Variants in CDH23 observed in about 807,000 individuals in gnomAD.
CDH23 encodes the protein cadherin-23.
CDH23 carries 189 observed loss-of-function variants against 317.1 expected under a neutral mutation model. The ratio of observed to expected loss-of-function variants is 0.60; its 90% CI spans 0.53 to 0.67. CDH23 has a LOEUF of 0.67. CDH23 is among the 30% of genes least tolerant of loss of function. CDH23 has a pLI of 0.00. For missense variants in CDH23, 4,401 were observed against 4,592.4 expected (o/e 0.96, Z 1.20); for synonymous variants, 1,839 against 1,876.8 (o/e 0.98, Z 0.52).
At chr10:71,523,600 A>G (rs1055248065) in intron 6 of CDH23, among the ~76,000 whole-genome samples, 4 of 152,100 alleles carry the variant, frequency 2.6e-5, no homozygotes, top group African/African-American at 9.7e-5. Flanking sequence ...AGCCGGGGGG[A>G]AATAAATAAA....
intron 49 of CDH23, 132 bp downstream of exon 49, chr10:71,797,352 A>G: frequency 1.6e-6 from 1 of 641,252 alleles, no homozygotes; most frequent in Non-Finnish European, 2.8e-6. Flanking sequence ...GCCAGGAGTC[A>G]GGCAACACAA....
At chr10:71,730,316 C>T (rs1839328289) in intron 30 of CDH23, among the ~76,000 whole-genome samples, 153 bp from the exon 31 acceptor site, 1 of 152,226 alleles carries the variant, frequency 6.6e-6, no homozygotes, top group South Asian at 2.1e-4. Flanking sequence ...GTGGTGGTCA[C>T]AGTGACCCAC....
At chr10:71,579,307 C>A (rs1858462226) in intron 9 of CDH23, among the ~76,000 whole-genome samples, 1 of 152,106 alleles carries the variant, frequency 6.6e-6, no homozygotes, top group Non-Finnish European at 1.5e-5. Flanking sequence ...GCCCAGGGAA[C>A]CCCAGGACCC....
intron 22 of CDH23, among the ~76,000 whole-genome samples, chr10:71,699,299 T>C (rs1312687359): frequency 2.6e-5 from 4 of 152,184 alleles, no homozygotes; most frequent in African/African-American, 9.7e-5. Flanking sequence ...TTGTCGGAGG[T>C]AGACTAGGGC....
chr10:71,702,666 G>C lies in CDH23; in HGVS notation c.2705G>C (p.Gly902Ala). 1 of 1,613,854 alleles carries C rather than the reference G, an allele frequency of 6.2e-7. No homozygotes were observed. The highest frequency in any genetic ancestry group is 1.1e-5 in the South Asian group (1 of 91,078). Residue 902 changes from glycine to alanine, a missense_variant, in exon 24 of 70, where the codon GGC becomes GCC. Physicochemically the swap from Gly to Ala is moderately conservative, Grantham distance 60. Transcript: ENST00000224721. ...CCTTTTGTGGCCGAGGTGCTTGAAG[G>C]CATCCCGGCGGGGGTCTCCATCTAC... ...NLPFVAEVLE[G>A]IPAGVSIYQV...
chr10:71,516,496 G>A (rs1854340002), intron 6 of CDH23, among the ~76,000 whole-genome samples: 1 of 152,240 alleles, frequency 6.6e-6, no homozygotes, highest in South Asian at 2.1e-4. Context: ...ACTAGAGATG[G>A]GAAAGCAGAG....
chr10:71,636,033 G>A (rs886391557), intron 11 of CDH23, among the ~76,000 whole-genome samples: 3 of 152,070 alleles, frequency 2.0e-5, no homozygotes, highest in East Asian at 3.9e-4. Flanking sequence ...CCCTCCTTGC[G>A]GGTTAGTATT....
At chr10:71,606,075 G>T (rs970333991) in intron 9 of CDH23, among the ~76,000 whole-genome samples, 1 of 152,090 alleles carries the variant, frequency 6.6e-6, no homozygotes, top group Non-Finnish European at 1.5e-5. Flanking sequence ...TAGCAAACTG[G>T]CATGATAGAT....
At chr10:71,432,107 G>C (rs1350485600) in intron 1 of CDH23, among the ~76,000 whole-genome samples, 1 of 152,186 alleles carries the variant, frequency 6.6e-6, no homozygotes, top group Non-Finnish European at 1.5e-5. Flanking sequence ...AAAGGAGTGG[G>C]AACAGGAAGG....
chr10:71,797,343 C>T, intron 49 of CDH23, 123 bp downstream of exon 49: 2 of 670,200 alleles, frequency 3.0e-6, no homozygotes, highest in Non-Finnish European at 2.6e-6. Context: ...GCTCTGGGGG[C>T]CAGGAGTCAG....
At chr10:71,669,955 C>T (rs1156787209) in intron 14 of CDH23, among the ~76,000 whole-genome samples, 9 of 152,238 alleles carry the variant, frequency 5.9e-5, no homozygotes, top group African/African-American at 9.6e-5. Context: ...GAGCCAAGAT[C>T]GCGCCATTGC....
chr10:71,510,332 T>C, intron 4 of CDH23, 108 bp downstream of exon 4: 1 of 1,249,344 alleles, frequency 8.0e-7, no homozygotes, highest in Non-Finnish European at 1.1e-6. Flanking sequence ...GACCCCATTC[T>C]GACTCCACAG....
chr10:71,738,857 A>T (rs1839654010), intron 35 of CDH23, among the ~76,000 whole-genome samples: 1 of 152,250 alleles, frequency 6.6e-6, no homozygotes, highest in Non-Finnish European at 1.5e-5. Context: ...GGTCATGTGG[A>T]CATGGAGCCC....
chr10:71,547,143 G>A (rs374699321), intron 6 of CDH23, among the ~76,000 whole-genome samples: 1 of 152,242 alleles, frequency 6.6e-6, no homozygotes, highest in South Asian at 2.1e-4. Flanking sequence ...GGTGACCAGA[G>A]AGTCACCTAA....
At chr10:71,448,679 A>G (rs1268597953) in intron 3 of CDH23, among the ~76,000 whole-genome samples, 1 of 152,168 alleles carries the variant, frequency 6.6e-6, no homozygotes, top group Non-Finnish European at 1.5e-5. Context: ...CCTCATTTCA[A>G]CAATGAGTGG....
intron 3 of CDH23, among the ~76,000 whole-genome samples, chr10:71,450,390 T>A (rs1850377267): frequency 6.6e-6 from 1 of 151,270 alleles, no homozygotes; most frequent in Admixed American, 6.6e-5. Flanking sequence ...CTCAGCCTCC[T>A]GGGTAGCTGG....
intron 3 of CDH23, among the ~76,000 whole-genome samples, chr10:71,494,165 G>A (rs1341925625): frequency 6.6e-6 from 1 of 152,170 alleles, no homozygotes; most frequent in African/African-American, 2.4e-5. Flanking sequence ...AAAGTGCCAA[G>A]CTCATCATAA....
Position 71,784,302 on chromosome 10 carries a change from C to G in CDH23, c.5384C>G (p.Ser1795Cys). 1 of 1,613,740 alleles carries G rather than the reference C, an allele frequency of 6.2e-7. No homozygotes were observed. The highest frequency in any genetic ancestry group is 8.5e-7 in the Non-Finnish European group (1 of 1,179,708). The part of the protein sequence containing the change: ...DGDPLGEFVI[S>C]PVEGVLRVRK... Reference sequence around the variant, plus strand: ...TGACACCCAGGGGAGTTTGTGATCTCTCCTGTGGAGGGGGTGCTAAGGGTC... The same window carrying G: ...TGACACCCAGGGGAGTTTGTGATCTGTCCTGTGGAGGGGGTGCTAAGGGTC... The change falls in exon 42 of 70, where the codon TCT becomes TGT. Residue 1795 changes from serine (S) to cysteine (C), a missense_variant. Physicochemically the swap from Ser to Cys is moderately radical, Grantham distance 112. Coordinates refer to ENST00000224721, the MANE Select transcript of CDH23 (RefSeq NM_022124.6).
At chr10:71,687,745 G>A (rs1488647307) in intron 19 of CDH23, 26 bp downstream of exon 19, 1 of 1,609,570 alleles carries the variant, frequency 6.2e-7, no homozygotes, top group East Asian at 2.2e-5. Flanking sequence ...GGGGGGTGGG[G>A]GGCACATGGA....
Sources: gnomAD v4.1 joint callset for allele counts (sites outside exome capture counted in the v4.1 genomes callset) on GRCh38, gnomAD v4.1.1 for gene constraint, MANE v1.5 for transcripts, NCBI Gene and HGNC (gene_info 2026-07-23, HGNC 2026-07-21) for gene names.